The following ZBTB38 variants were observed in gnomAD, a reference collection of about 807,000 sequenced individuals.
ZBTB38 encodes zinc finger and BTB domain containing 38.
ZBTB38 carries 20 observed loss-of-function variants against 76.8 expected under a neutral mutation model. The observed-to-expected ratio is 0.26, with a 90% confidence interval of 0.18 to 0.38. The LOEUF is 0.38. Ranked by LOEUF, ZBTB38 falls within the 10% of genes least tolerant of loss-of-function variation. ZBTB38 has a pLI of 1.00. For synonymous variants in ZBTB38, 504 were observed against 544.2 expected (o/e 0.93, Z 1.03); for missense variants, 1,082 against 1,482.3 (o/e 0.73, Z 4.43).
intron 5 of ZBTB38, among the ~76,000 whole-genome samples, chr3:141,415,637 G>C (rs186267132): frequency 3.3e-5 from 5 of 152,350 alleles, no homozygotes; most frequent in African/African-American, 1.2e-4. Context: ...ATAGAGATTG[G>C]CCTATGTAAG....
At position 141,445,892 on chromosome 3, in the gene ZBTB38, C is replaced by G. The variant is rs766655903; in HGVS notation, c.3504C>G (p.Pro1168=). The change falls in exon 6 of 6, where the codon CCC becomes CCG. Residue 1168 remains proline, a synonymous_variant. Coordinates refer to ENST00000321464, the MANE Select transcript of ZBTB38 (RefSeq NM_001376113.1). This position sits in a 1 kb window ranked among gnomAD's most constrained non-coding sequence, Gnocchi z 6.5. ...IGDVCHENSN[P]LENQHFIGSE... ...ACGTGTGCCACGAAAACTCAAATCC[C>G]TTGGAGAATCAACATTTCATTGGTT... 3 of 1,610,280 alleles carry G rather than the reference C, an allele frequency of 1.9e-6. No individual in the cohort carries two copies. The Admixed American group carries it at 5.0e-5, about 27-fold the overall frequency.
intron 4 of ZBTB38, among the ~76,000 whole-genome samples, chr3:141,400,619 CTGTTTGGA>C (rs1431778159): frequency 3.9e-5 from 6 of 152,344 alleles, no homozygotes; most frequent in African/African-American, 1.4e-4. Flanking sequence ...ATGATTCTCA[CTGTTTGGA>C]TGGTAGGAAC....
intron 5 of ZBTB38, among the ~76,000 whole-genome samples, chr3:141,433,866 T>C (rs2078153390): frequency 1.3e-5 from 2 of 152,228 alleles, no homozygotes; most frequent in African/African-American, 4.8e-5. Context: ...TTTGATACTA[T>C]ACCAAAACTT....
chr3:141,380,674 G>A (rs1401994571), intron 2 of ZBTB38, among the ~76,000 whole-genome samples: 1 of 152,152 alleles, frequency 6.6e-6, no homozygotes, highest in Non-Finnish European at 1.5e-5. Flanking sequence ...AGAGACGTGG[G>A]CTTAGGTAGA....
At chr3:141,364,677 A>T (rs1326729998), upstream of ZBTB38, among the ~76,000 whole-genome samples, 2 of 31,704 alleles carry the variant, frequency 6.3e-5, no homozygotes, top group African/African-American at 9.7e-4. Flanking sequence ...AACTACATCT[A>T]AAAAAAAAAA....
intron 3 of ZBTB38, chr3:141,386,580 T>C (rs1009569339): frequency 2.0e-5 from 3 of 152,298 alleles, no homozygotes; most frequent in Non-Finnish European, 4.4e-5. Flanking sequence ...TTAGCAATTC[T>C]ATAAAATTAA....
intron 3 of ZBTB38, chr3:141,386,520 T>C (rs954128600): frequency 3.3e-5 from 5 of 152,258 alleles, no homozygotes; most frequent in African/African-American, 1.2e-4. Context: ...CTATACCCTT[T>C]ATCAAAATTA....
In ZBTB38 at chr3:141,439,787, T is replaced by A. The variant is rs187240695; in HGVS notation, c.1-2602T>A. 7.9e-5 allele frequency among the ~76,000 whole-genome samples: 12 copies of A among 152,326 alleles called. No individual in the cohort carries two copies. The East Asian group carries it at 2.3e-3, about 29-fold the overall frequency. On this transcript the variant is annotated intron_variant, in intron 5 of 5. Transcript: ENST00000321464. ...ATCATATAGCATGTGTTTTGTCAGA[T>A]CTGAAGCTATCTAGTCAGGCTGATA...
chr3:141,417,246 A>G (rs1223177401), intron 5 of ZBTB38, among the ~76,000 whole-genome samples: 1 of 152,168 alleles, frequency 6.6e-6, no homozygotes, highest in Non-Finnish European at 1.5e-5. Context: ...CACGTTTGCA[A>G]CCACCTCCCA....
rs761755188 is a variant in ZBTB38, at chr3:141,444,448, G to A, written c.2060G>A (p.Arg687Gln). 1.3e-5 allele frequency: 21 copies of A among 1,613,890 alleles called. No homozygotes were observed. Among genetic ancestry groups the A allele is most frequent in the Admixed American group, 3.3e-5 (2 of 59,996 alleles). The change falls in exon 6 of 6, where the codon CGG (arginine) becomes CAG (glutamine). Residue 687 changes from arginine (R) to glutamine (Q), a missense_variant. By Grantham distance (43) the Arg-to-Gln change is conservative. This residue lies in a region of ZBTB38 where 471 missense variants were observed against 581.0 expected (regional missense o/e 0.81). Transcript: ENST00000321464. This position sits in a 1 kb window ranked among gnomAD's most constrained non-coding sequence, Gnocchi z 5.1. Reference sequence around the variant, plus strand: ...GAAAATGCTGTCAGTTCTGACCTCCGGGCAGGGGATGTACCTGTTTTATCT... The same window carrying A: ...GAAAATGCTGTCAGTTCTGACCTCCAGGCAGGGGATGTACCTGTTTTATCT... ...STENAVSSDL[R>Q]AGDVPVLSLS...
At chr3:141,380,969 C>T in intron 2 of ZBTB38, among the ~76,000 whole-genome samples, 1 of 152,140 alleles carries the variant, frequency 6.6e-6, no homozygotes, top group Non-Finnish European at 1.5e-5. Context: ...TACTTTTTTA[C>T]CTTCATTTAT....
At chr3:141,407,572 C>T (rs1158286968) in intron 5 of ZBTB38, among the ~76,000 whole-genome samples, 1 of 152,216 alleles carries the variant, frequency 6.6e-6, no homozygotes, top group Non-Finnish European at 1.5e-5. Context: ...ACAGAAAGCA[C>T]ACATCTCCTA....
chr3:141,360,676 A>C (rs1320618041), intron 1 of ZBTB38, among the ~76,000 whole-genome samples: 2 of 152,082 alleles, frequency 1.3e-5, no homozygotes, highest in South Asian at 2.1e-4. Flanking sequence ...TCATTTTTCT[A>C]GTCTAGGATT....
At chr3:141,426,374 A>G (rs6762722) in intron 5 of ZBTB38, among the ~76,000 whole-genome samples, 4,606 of 152,316 alleles carry the variant, frequency 0.03, 206 homozygotes, top group East Asian at 0.22. Context: ...AACAACCGTT[A>G]TAAGTACACA....
At chr3:141,351,721 T>TAA (rs11367112) in intron 1 of ZBTB38, among the ~76,000 whole-genome samples, 3 of 123,156 alleles carry the variant, frequency 2.4e-5, no homozygotes, top group East Asian at 4.5e-4. Flanking sequence ...CTCTGTCTCT[T>TAA]AAAAAAAAAA....
chr3:141,374,696 A>G (rs1469972936), intron 2 of ZBTB38, among the ~76,000 whole-genome samples: 1 of 152,190 alleles, frequency 6.6e-6, no homozygotes, highest in Non-Finnish European at 1.5e-5. Context: ...ATTTAACATT[A>G]TGTTGTAAAC....
intron 4 of ZBTB38, among the ~76,000 whole-genome samples, chr3:141,392,255 G>A (rs1160427484): frequency 6.6e-6 from 1 of 152,122 alleles, no homozygotes; most frequent in Non-Finnish European, 1.5e-5. Context: ...TGGGGAAGGG[G>A]GCTGGTGGTA....
At chr3:141,429,534 G>T (rs888456929) in intron 5 of ZBTB38, among the ~76,000 whole-genome samples, 3 of 152,214 alleles carry the variant, frequency 2.0e-5, no homozygotes, top group Non-Finnish European at 4.4e-5. Flanking sequence ...CCTGCCATGT[G>T]CTGCGGCCTG....
At chr3:141,425,488 TG>T (rs1443136908) in intron 5 of ZBTB38, among the ~76,000 whole-genome samples, 1 of 152,242 alleles carries the variant, frequency 6.6e-6, no homozygotes, top group Non-Finnish European at 1.5e-5. Flanking sequence ...CAGGGCCACC[TG>T]GTGGTCCCAT....
Sources: allele counts gnomAD v4.1 joint callset (sites outside exome capture counted in the v4.1 genomes callset), GRCh38; gene constraint gnomAD v4.1.1; regional missense constraint gnomAD v4.1.1; non-coding constraint Gnocchi (gnomAD v3.1); transcripts MANE v1.5; gene names NCBI Gene and HGNC (gene_info 2026-07-23, HGNC 2026-07-21).